GRIA1: variants seen among roughly 807,000 people sequenced by gnomAD.
GRIA1 encodes glutamate receptor 1.
In GRIA1, 31 loss-of-function variants were observed where a neutral mutation model predicts 99.2. That is an observed-to-expected ratio of 0.31 (90% CI 0.23 to 0.42). The LOEUF (loss-of-function observed/expected upper bound fraction) is 0.42. Ranked by LOEUF, GRIA1 falls within the 10% of genes least tolerant of loss-of-function variation. GRIA1 has a pLI of 1.00. For synonymous variants in GRIA1, 438 were observed against 432.4 expected (o/e 1.01, Z -0.16); for missense variants, 782 against 1,157.5 (o/e 0.68, Z 4.71).
At chr5:153,617,194 C>A (rs61609958) in intron 2 of GRIA1, among the ~76,000 whole-genome samples, 3,994 of 152,238 alleles carry the variant, frequency 0.026, 164 homozygotes, top group African/African-American at 0.091. Context: ...TTCCTATGAG[C>A]CAGAGAATCA....
intron 2 of GRIA1, among the ~76,000 whole-genome samples, chr5:153,609,178 T>C (rs1765735520): frequency 6.6e-6 from 1 of 152,184 alleles, no homozygotes; most frequent in South Asian, 2.1e-4. Context: ...CTAGAATTAG[T>C]AAATATCCCC....
intron 10 of GRIA1, among the ~76,000 whole-genome samples, chr5:153,703,508 G>A (rs1300490355): frequency 6.6e-6 from 1 of 152,190 alleles, no homozygotes; most frequent in Non-Finnish European, 1.5e-5. Flanking sequence ...ACTTTGGGAG[G>A]CTAAGGCAGG....
chr5:153,602,765 ACTCT>A (rs939235155), intron 2 of GRIA1, among the ~76,000 whole-genome samples: 1 of 151,620 alleles, frequency 6.6e-6, no homozygotes, highest in Non-Finnish European at 1.5e-5. Context: ...AGGGGAACAG[ACTCT>A]CTCTAGCAGT....
At chr5:153,796,010 T>TA (rs1765623045) in intron 14 of GRIA1, among the ~76,000 whole-genome samples, 1 of 122,434 alleles carries the variant, frequency 8.2e-6, no homozygotes, top group South Asian at 3.0e-4. Context: ...TTTTTTTTTT[T>TA]AACTTTTTTT....
intron 11 of GRIA1, among the ~76,000 whole-genome samples, chr5:153,754,513 A>G (rs1384955537): frequency 1.3e-5 from 2 of 152,346 alleles, no homozygotes; most frequent in East Asian, 1.9e-4. Flanking sequence ...ACAGGGAAGA[A>G]GGAGTCTTAG....
intron 15 of GRIA1, among the ~76,000 whole-genome samples, chr5:153,808,607 G>A (rs1338239901): frequency 6.6e-6 from 1 of 152,164 alleles, no homozygotes; most frequent in African/African-American, 2.4e-5. Flanking sequence ...CACCACACCA[G>A]CATCTCTAGG....
chr5:153,730,421 G>A (rs554290436), intron 11 of GRIA1, among the ~76,000 whole-genome samples: 2 of 152,138 alleles, frequency 1.3e-5, no homozygotes, highest in East Asian at 3.9e-4. Context: ...TATTTTATTA[G>A]CATGTAACAG....
At chr5:153,791,145 GA>G (rs1765272046) in intron 13 of GRIA1, among the ~76,000 whole-genome samples, 1 of 78,558 alleles carries the variant, frequency 1.3e-5, no homozygotes, top group African/African-American at 7.9e-5. Flanking sequence ...TAAAAAAAAA[GA>G]AGAAGAAGAC....
chr5:153,635,046 G>T (rs1297174995), intron 2 of GRIA1, among the ~76,000 whole-genome samples: 1 of 152,200 alleles, frequency 6.6e-6, no homozygotes, highest in African/African-American at 2.4e-5. Context: ...GTCCTCTGTA[G>T]CTTTCAGTAA....
chr5:153,543,075 A>G (rs1759280523), intron 2 of GRIA1, among the ~76,000 whole-genome samples: 1 of 152,134 alleles, frequency 6.6e-6, no homozygotes, highest in South Asian at 2.1e-4. Context: ...TTTGCCTTTT[A>G]TTTTTGCCTT....
chr5:153,494,631 A>T lies in GRIA1; in HGVS notation c.220+566A>T, dbSNP rs142038591. 2.6e-5 allele frequency among the ~76,000 whole-genome samples: 4 copies of T among 152,324 alleles called. No homozygotes were observed. In the East Asian group the frequency reaches 7.7e-4, roughly 29 times the overall value. On this transcript the variant is annotated intron_variant, in intron 2 of 15. Coordinates refer to ENST00000285900, the MANE Select transcript of GRIA1 (RefSeq NM_000827.4). ...TTAAGGCACAGTTTGTAGGATGGTC[A>T]TTGAGCATCAAACAGAACAAAGGTG...
At chr5:153,550,246 C>T (rs1161281745) in intron 2 of GRIA1, among the ~76,000 whole-genome samples, 2 of 151,862 alleles carry the variant, frequency 1.3e-5, no homozygotes, top group South Asian at 2.1e-4. Flanking sequence ...ACCAGGGAGT[C>T]GAGTCCACTG....
At chr5:153,807,458 T>C (rs1766513461) in intron 15 of GRIA1, among the ~76,000 whole-genome samples, 1 of 152,184 alleles carries the variant, frequency 6.6e-6, no homozygotes, top group African/African-American at 2.4e-5. Flanking sequence ...TCAGAGCAGC[T>C]TCCCTGAGAA....
At chr5:153,590,506 ATGTGTGTGTGTGTGTGTGTG>A (rs5872325) in intron 2 of GRIA1, among the ~76,000 whole-genome samples, 22 of 147,938 alleles carry the variant, frequency 1.5e-4, no homozygotes, top group South Asian at 2.2e-4. Context: ...AGCTATTGAA[ATGTGTGTGTGTGTGTGTGTG>A]TGTGTGTGTG....
chr5:153,641,650 T>C (rs1272333561), intron 2 of GRIA1, among the ~76,000 whole-genome samples: 1 of 152,182 alleles, frequency 6.6e-6, no homozygotes, highest in Non-Finnish European at 1.5e-5. Flanking sequence ...TGCCAGGCCT[T>C]TGCTGTTGCT....
At chr5:153,607,062 T>C (rs1055453492) in intron 2 of GRIA1, among the ~76,000 whole-genome samples, 2 of 147,554 alleles carry the variant, frequency 1.4e-5, no homozygotes, top group African/African-American at 2.5e-5. Context: ...TATATATATA[T>C]ATATATAATC....
intron 5 of GRIA1, among the ~76,000 whole-genome samples, chr5:153,668,720 C>A (rs1448269228): frequency 1.3e-5 from 2 of 152,184 alleles, no homozygotes; most frequent in Admixed American, 6.5e-5. Context: ...AAACTAGACA[C>A]TTTGGAAGCA....
chr5:153,516,893 G>GA (rs1022571680), intron 2 of GRIA1, among the ~76,000 whole-genome samples: 1 of 152,126 alleles, frequency 6.6e-6, no homozygotes, highest in African/African-American at 2.4e-5. Flanking sequence ...TAGAGCTGAA[G>GA]AAAAATATTC....
chr5:153,582,873 A>T (rs915151537), intron 2 of GRIA1, among the ~76,000 whole-genome samples: 1 of 152,078 alleles, frequency 6.6e-6, no homozygotes, highest in African/African-American at 2.4e-5. Context: ...ATCACAGCTC[A>T]CTATAGCCTT....
Sources: allele counts gnomAD v4.1 joint callset (sites outside exome capture counted in the v4.1 genomes callset), GRCh38; gene constraint gnomAD v4.1.1; transcripts MANE v1.5; gene names NCBI Gene and HGNC (gene_info 2026-07-23, HGNC 2026-07-21).